The following TRIM23 variants were observed in gnomAD, a reference collection of about 807,000 sequenced individuals.
TRIM23 encodes tripartite motif containing 23, also known as E3 ubiquitin-protein ligase TRIM23.
TRIM23 carries 27 observed loss-of-function variants against 71.0 expected under a neutral mutation model. That is an observed-to-expected ratio of 0.38 (90% confidence interval 0.28 to 0.52). TRIM23 has a LOEUF of 0.52. TRIM23 is among the 20% of genes least tolerant of loss of function. The pLI is 0.84. For missense variants in TRIM23, 482 were observed against 692.3 expected, an observed-to-expected ratio of 0.70 and a Z score of 3.41; for synonymous variants, 234 against 238.0, an observed-to-expected ratio of 0.98 and a Z score of 0.16.
At chr5:65,618,506 A>G (rs1754833440) in intron 1 of TRIM23, among the ~76,000 whole-genome samples, 1 of 152,182 alleles carries the variant, frequency 6.6e-6, no homozygotes, top group Non-Finnish European at 1.5e-5. Flanking sequence ...CTGTAAATTA[A>G]CATCTTTGTT....
chr5:65,602,920 T>G (rs1022448567), intron 7 of TRIM23, among the ~76,000 whole-genome samples: 2 of 152,208 alleles, frequency 1.3e-5, no homozygotes, highest in Admixed American at 1.3e-4. Context: ...CAATTCAAAT[T>G]GAGATTTGGG....
chr5:65,591,080 A>C lies in TRIM23; in HGVS notation c.*689T>G. On this transcript the variant is annotated 3_prime_UTR_variant, in exon 11 of 11. Coordinates refer to ENST00000231524, the MANE Select transcript of TRIM23 (RefSeq NM_001656.4). ...TACTTCCACAGTTTTATTACTGTTC[A>C]GTTTATTACTAACCTGACAAGCCTA... The C allele has an allele frequency of 2.0e-6, 2 of 1,004,632 alleles. No homozygotes were observed. Among genetic ancestry groups the C allele is most frequent in the Non-Finnish European group, 2.4e-6 (2 of 843,110 alleles). 62.2% of individuals were successfully genotyped at this position (1,004,632 alleles called of 1,614,324 possible).
chr5:65,592,074 T>G (rs1581172555), intron 10 of TRIM23, 126 bp from the exon 11 acceptor site: 8 of 892,484 alleles, frequency 9.0e-6, no homozygotes, highest in Non-Finnish European at 1.3e-5. Context: ...CCTAGATTCA[T>G]CTTTCAGTAA....
chr5:65,607,847 A>C (rs1424569444), intron 6 of TRIM23, among the ~76,000 whole-genome samples: 1 of 152,218 alleles, frequency 6.6e-6, no homozygotes, highest in African/African-American at 2.4e-5. Flanking sequence ...GTATTTATTA[A>C]GCTCTTTCTA....
intron 1 of TRIM23, among the ~76,000 whole-genome samples, chr5:65,619,522 C>T (rs1301879823): frequency 1.3e-5 from 2 of 152,174 alleles, no homozygotes; most frequent in African/African-American, 2.4e-5. Context: ...AGAAATCAGA[C>T]TAAATCTACT....
In TRIM23 at chr5:65,599,672, T is replaced by C. The variant is rs577466564; in HGVS notation, c.1180-2492A>G. ...AAGATATGAATAACAGCCCAGGTAA[T>C]TTATATAGATTCAATGCAATCCCTA... On this transcript the variant is annotated intron_variant, in intron 7 of 10. Coordinates refer to ENST00000231524, the MANE Select transcript of TRIM23 (RefSeq NM_001656.4). 6.0e-3 allele frequency among the ~76,000 whole-genome samples: 913 copies of C among 152,294 alleles called. 4 individuals carry two copies. Among genetic ancestry groups the C allele is most frequent in the African/African-American group, 0.021 (868 of 41,566 alleles).
At chr5:65,622,129 T>C (rs1244360261) in intron 1 of TRIM23, among the ~76,000 whole-genome samples, 3 of 152,008 alleles carry the variant, frequency 2.0e-5, no homozygotes, top group Admixed American at 6.6e-5. Flanking sequence ...CTTTCTGTGA[T>C]ACATTTTTAA....
At chr5:65,603,397 G>A (rs1754412434) in intron 7 of TRIM23, among the ~76,000 whole-genome samples, 1 of 152,148 alleles carries the variant, frequency 6.6e-6, no homozygotes, top group South Asian at 2.1e-4. Context: ...TACTGCTACA[G>A]AGTGATGTTT....
At chr5:65,603,272 A>G (rs1754409887) in intron 7 of TRIM23, among the ~76,000 whole-genome samples, 6 of 152,210 alleles carry the variant, frequency 3.9e-5, no homozygotes, top group Admixed American at 3.3e-4. Flanking sequence ...ACATTTTTAA[A>G]TGGTTGAGAT....
At chr5:65,600,109 T>A (rs903739144) in intron 7 of TRIM23, among the ~76,000 whole-genome samples, 1 of 152,218 alleles carries the variant, frequency 6.6e-6, no homozygotes, top group South Asian at 2.1e-4. Context: ...CCAGATCTCA[T>A]GAGAACTCAC....
chr5:65,600,315 G>A (rs537446538), intron 7 of TRIM23, among the ~76,000 whole-genome samples: 2 of 152,228 alleles, frequency 1.3e-5, no homozygotes, highest in East Asian at 1.9e-4. Flanking sequence ...GCATAAAGAT[G>A]AGACATACAA....
intron 10 of TRIM23, among the ~76,000 whole-genome samples, chr5:65,592,939 T>G (rs1754085663): frequency 6.6e-6 from 1 of 152,244 alleles, no homozygotes; most frequent in South Asian, 2.1e-4. Context: ...TATGTGCTAT[T>G]ATAAATCCAT....
rs984825777 is a variant in TRIM23, at chr5:65,603,694, A to G, written c.1179+1217T>C. 2.7e-5 allele frequency among the ~76,000 whole-genome samples: 4 copies of G among 148,724 alleles called. No individual in the cohort carries two copies. The East Asian group carries it at 7.7e-4, about 29-fold the overall frequency. On this transcript the variant is annotated intron_variant, in intron 7 of 10. Coordinates refer to ENST00000231524, the MANE Select transcript of TRIM23 (RefSeq NM_001656.4). Reference sequence around the variant, plus strand: ...ATAATTGTGAAAACATAATTAAATTAAAAAAAAACCAGCCCCTAAAAATGG... The same window carrying G: ...ATAATTGTGAAAACATAATTAAATTGAAAAAAAACCAGCCCCTAAAAATGG...
At chr5:65,593,888 A>G (rs1236920974) in intron 10 of TRIM23, among the ~76,000 whole-genome samples, 1 of 152,120 alleles carries the variant, frequency 6.6e-6, no homozygotes, top group African/African-American at 2.4e-5. Flanking sequence ...GATTCATTCT[A>G]CCCCTAGAAT....
intron 9 of TRIM23, among the ~76,000 whole-genome samples, chr5:65,595,209 C>T (rs1754166337): frequency 1.3e-5 from 2 of 150,510 alleles, no homozygotes; most frequent in South Asian, 2.1e-4. Context: ...CCCAGGAGTT[C>T]GAGACCCCTG....
chr5:65,614,968 G>C (rs1015318080), intron 2 of TRIM23, among the ~76,000 whole-genome samples: 9 of 151,938 alleles, frequency 5.9e-5, no homozygotes, highest in Admixed American at 5.9e-4. Context: ...CGTGATCTCT[G>C]CTCATTGCAA....
chr5:65,602,815 T>C (rs1046035594), intron 7 of TRIM23, among the ~76,000 whole-genome samples: 2 of 152,266 alleles, frequency 1.3e-5, no homozygotes, highest in African/African-American at 4.8e-5. Context: ...ATGAGACTTA[T>C]TCACTATCAC....
At chr5:65,619,545 C>T (rs1754869010) in intron 1 of TRIM23, among the ~76,000 whole-genome samples, 1 of 152,186 alleles carries the variant, frequency 6.6e-6, no homozygotes, top group African/African-American at 2.4e-5. Context: ...GATTTTAAAC[C>T]TAACTCTACA....
In TRIM23 at chr5:65,597,159, G is replaced by T. The variant is rs778137122; in HGVS notation, c.1201C>A (p.Pro401Thr). The change falls in exon 8 of 11, where the codon CCA becomes ACA. Residue 401 changes from proline to threonine, a missense_variant. Physicochemically the swap from Pro to Thr is conservative, Grantham distance 38. Transcript: ENST00000231524. ...FTKDNRVHIG[P>T]KMEIRVVTLG... ...GTAACGACCCGAATTTCCATTTTTG[G>T]TCCAATGTGAACTCGATTATCCTAC... 1.2e-6 allele frequency: 2 copies of T among 1,613,992 alleles called. No individual in the cohort carries two copies. The highest frequency in any genetic ancestry group is 1.7e-5 in the Admixed American group (1 of 60,000).
Sources: gnomAD v4.1 joint callset for allele counts (sites outside exome capture counted in the v4.1 genomes callset) on GRCh38, gnomAD v4.1.1 for gene constraint, MANE v1.5 for transcripts, NCBI Gene and HGNC (gene_info 2026-07-23, HGNC 2026-07-21) for gene names.